The following MCUB variants were observed in gnomAD, a reference collection of about 807,000 sequenced individuals.
The protein encoded by MCUB is calcium uniporter regulatory subunit MCUb, mitochondrial.
In MCUB, 46 loss-of-function variants were observed where a neutral mutation model predicts 41.4. The ratio of observed to expected loss-of-function variants is 1.11; its 90% CI spans 0.88 to 1.42. The LOEUF (loss-of-function observed/expected upper bound fraction) is 1.42, where lower values mean the gene tolerates loss of function less well. MCUB is among the 40% of genes most tolerant of loss of function. The pLI is 0.00. For synonymous variants in MCUB, 148 were observed against 148.2 expected (o/e 1.00, Z 0.01); for missense variants, 403 against 404.9 (o/e 1.00, Z 0.04).
At chr4:109,569,171 C>G (rs540870381) in intron 1 of MCUB, among the ~76,000 whole-genome samples, 1 of 151,900 alleles carries the variant, frequency 6.6e-6, no homozygotes, top group Non-Finnish European at 1.5e-5. Flanking sequence ...CTCAGCCTCC[C>G]GAGTAGCTGG....
intron 1 of MCUB, among the ~76,000 whole-genome samples, chr4:109,605,946 CTG>C (rs1727859734): frequency 7.1e-6 from 1 of 140,406 alleles, no homozygotes; most frequent in African/African-American, 2.6e-5. Context: ...CAGTAGATCA[CTG>C]GGCCTGGGTT....
At chr4:109,679,296 C>T (rs1464027007) in intron 4 of MCUB, among the ~76,000 whole-genome samples, 7 of 152,206 alleles carry the variant, frequency 4.6e-5, no homozygotes, top group Non-Finnish European at 8.8e-5. Context: ...CCAAGGCAGG[C>T]GGCTGGGAGG....
rs201618843 is a variant in MCUB at position 109,665,666 on chromosome 4, TTTG to T, written c.451+1283_451+1285del. Among the ~76,000 whole-genome samples, 565 of 152,350 alleles carry T rather than the reference TTTG, an allele frequency of 3.7e-3. 16 individuals are homozygous for T. In the South Asian group the frequency reaches 0.059, roughly 16 times the overall value. On this transcript the variant is annotated intron_variant, in intron 4 of 7. Transcript: ENST00000394650. ...TATACTATATTGTTTTTTCATTCAT[TTTG>T]TTGTTGTTGTATTGTTAATTTTTAT... is the stretch of plus-strand genomic sequence containing the variant.
At chr4:109,639,006 G>A (rs957004084) in intron 1 of MCUB, among the ~76,000 whole-genome samples, 4 of 152,108 alleles carry the variant, frequency 2.6e-5, no homozygotes, top group East Asian at 1.9e-4. Flanking sequence ...AAAGTCATCC[G>A]AGAGGGTTGG....
At position 109,682,753 on chromosome 4, in the gene MCUB, A is replaced by G; in HGVS notation, c.612+11A>G. On this transcript the variant is annotated intron_variant, in intron 5 of 7. Transcript: ENST00000394650. ...CAGCCCCTTGAACAGGTTAGGAAGCATCACGGTTGAGTATATTTGAAAATA... is the reference window on the plus strand; with the variant it reads ...CAGCCCCTTGAACAGGTTAGGAAGCGTCACGGTTGAGTATATTTGAAAATA... 6.2e-7 allele frequency: 1 copy of G among 1,600,950 alleles called. No homozygotes were observed. Among genetic ancestry groups the G allele is most frequent in the South Asian group, 1.1e-5 (1 of 88,904 alleles).
intron 4 of MCUB, among the ~76,000 whole-genome samples, chr4:109,676,331 G>T (rs1243224628): frequency 1.3e-5 from 2 of 152,150 alleles, no homozygotes; most frequent in Non-Finnish European, 2.9e-5. Flanking sequence ...TTGAGGTCAG[G>T]AGTTTGAGAC....
At chr4:109,623,003 C>G (rs1471848959) in intron 1 of MCUB, among the ~76,000 whole-genome samples, 1 of 152,174 alleles carries the variant, frequency 6.6e-6, no homozygotes, top group Non-Finnish European at 1.5e-5. Flanking sequence ...GTATGCTCAT[C>G]TATGCCTCCT....
intron 1 of MCUB, among the ~76,000 whole-genome samples, chr4:109,597,323 C>T (rs1454113529): frequency 5.3e-5 from 8 of 151,048 alleles, no homozygotes; most frequent in East Asian, 2.0e-4. Context: ...GCAGAGGTGC[C>T]CCTCACCTCC....
chr4:109,665,375 A>G (rs987489189), intron 4 of MCUB, among the ~76,000 whole-genome samples: 1 of 152,194 alleles, frequency 6.6e-6, no homozygotes, highest in African/African-American at 2.4e-5. Flanking sequence ...TCTTGCTTAT[A>G]TCAATTAGCC....
chr4:109,599,814 G>A (rs1237059444), intron 1 of MCUB, among the ~76,000 whole-genome samples: 2 of 151,904 alleles, frequency 1.3e-5, no homozygotes, highest in Non-Finnish European at 1.5e-5. Flanking sequence ...GATTACAGGC[G>A]CCTACCACCA....
intron 1 of MCUB, among the ~76,000 whole-genome samples, chr4:109,622,693 C>T (rs906102020): frequency 6.6e-6 from 1 of 152,202 alleles, no homozygotes; most frequent in East Asian, 1.9e-4. Context: ...GTGCCCACAG[C>T]ACCCCAAACT....
intron 1 of MCUB, among the ~76,000 whole-genome samples, chr4:109,628,227 G>A (rs1194151806): frequency 6.6e-6 from 1 of 152,144 alleles, no homozygotes; most frequent in Non-Finnish European, 1.5e-5. Flanking sequence ...TCCACAAGCA[G>A]CAATGAAATT....
At chr4:109,595,351 C>T (rs1462127971) in intron 1 of MCUB, among the ~76,000 whole-genome samples, 18 of 152,122 alleles carry the variant, frequency 1.2e-4, no homozygotes, top group East Asian at 1.9e-4. Flanking sequence ...CATGCAAGAG[C>T]ATGTCAGGGG....
Position 109,688,529 on chromosome 4 carries a change from T to C in MCUB, c.*937T>C, listed in dbSNP as rs1353204933. 2 of 152,352 alleles carry C rather than the reference T, an allele frequency of 1.3e-5. No individual in the cohort carries two copies. The highest frequency in any genetic ancestry group is 6.5e-5 in the Admixed American group (1 of 15,296). 9.4% of individuals were successfully genotyped at this position (152,352 alleles called of 1,614,324 possible). ...GTCATACACAAAATGTGGTAATTCA[T>C]ATGTAGATGAAATATTAAACATTTA... On this transcript the variant is annotated 3_prime_UTR_variant, in exon 8 of 8. Coordinates refer to ENST00000394650, the MANE Select transcript of MCUB (RefSeq NM_017918.5).
chr4:109,581,410 AC>A (rs2126126708), intron 1 of MCUB, among the ~76,000 whole-genome samples: 1 of 152,310 alleles, frequency 6.6e-6, no homozygotes, highest in East Asian at 1.9e-4. Context: ...TAAACGTTAG[AC>A]CTAAAACCAT....
intron 1 of MCUB, among the ~76,000 whole-genome samples, chr4:109,623,916 C>A (rs561524885): frequency 6.6e-6 from 1 of 152,286 alleles, no homozygotes; most frequent in South Asian, 2.1e-4. Flanking sequence ...ATGGTGTGAT[C>A]ATAGCTCACT....
chr4:109,590,010 C>T (rs1727395450), intron 1 of MCUB, among the ~76,000 whole-genome samples: 1 of 152,188 alleles, frequency 6.6e-6, no homozygotes, highest in Non-Finnish European at 1.5e-5. Flanking sequence ...TAGTGGTAAG[C>T]TCTCTACGTT....
In MCUB at chr4:109,565,041, T is replaced by A. The variant is rs551476163; in HGVS notation, c.99+4605T>A. Among the ~76,000 whole-genome samples, 8 of 152,358 alleles carry A rather than the reference T, an allele frequency of 5.3e-5. No individual in the cohort carries two copies. The South Asian group carries it at 1.7e-3, about 32-fold the overall frequency. On this transcript the variant is annotated intron_variant, in intron 1 of 7. Coordinates refer to ENST00000394650, the MANE Select transcript of MCUB (RefSeq NM_017918.5). Reference sequence around the variant, plus strand: ...AGACTGGTCTGCCACACTTCCACAATTAACTACTTAGAACATATTTGTTCA... The same window carrying A: ...AGACTGGTCTGCCACACTTCCACAAATAACTACTTAGAACATATTTGTTCA...
chr4:109,618,966 CTCTCT>C (rs1728187359), intron 1 of MCUB, among the ~76,000 whole-genome samples: 1 of 150,118 alleles, frequency 6.7e-6, no homozygotes, highest in African/African-American at 2.5e-5. Flanking sequence ...CTCTCTCTCT[CTCTCT>C]CTCTCTCTCT....
Sources: gnomAD v4.1 joint callset for allele counts (sites outside exome capture counted in the v4.1 genomes callset) on GRCh38, gnomAD v4.1.1 for gene constraint, MANE v1.5 for transcripts, NCBI Gene and HGNC (gene_info 2026-07-23, HGNC 2026-07-21) for gene names.